Variants in SMAP1 observed in about 807,000 individuals in gnomAD.
SMAP1 encodes the protein stromal membrane-associated protein 1.
A neutral mutation model predicts 58.5 loss-of-function variants in SMAP1; 24 were observed. That is an observed-to-expected ratio of 0.41 (90% CI 0.30 to 0.58). The LOEUF (loss-of-function observed/expected upper bound fraction) is 0.58, where lower values mean the gene tolerates loss of function less well. Among genes scored for constraint, SMAP1 ranks in the 20% least tolerant of loss-of-function variants. The pLI, the probability that SMAP1 is intolerant of heterozygous loss-of-function variation, is 0.29. For synonymous variants in SMAP1, 216 were observed against 196.6 expected, an observed-to-expected ratio of 1.10 and a Z score of -0.82; for missense variants, 563 against 566.3, an observed-to-expected ratio of 0.99 and a Z score of 0.06.
chr6:70,819,876 C>T (rs1314587039), intron 6 of SMAP1, among the ~76,000 whole-genome samples: 1 of 152,182 alleles, frequency 6.6e-6, no homozygotes, highest in Non-Finnish European at 1.5e-5. Flanking sequence ...AAAAACCTGT[C>T]TTAGCCTGTG....
At chr6:70,857,762 A>C (rs534766817) in intron 9 of SMAP1, 160 bp from the exon 10 acceptor site, 12 of 644,294 alleles carry the variant, frequency 1.9e-5, no homozygotes, top group Non-Finnish European at 3.2e-5. Flanking sequence ...ACCAGCTCTC[A>C]GGGTTTAGGT....
intron 1 of SMAP1, among the ~76,000 whole-genome samples, chr6:70,730,642 A>G (rs1257852629): frequency 6.6e-6 from 1 of 152,162 alleles, no homozygotes; most frequent in South Asian, 2.1e-4. Context: ...GCATGTGCAT[A>G]ATCTTCCTCC....
At chr6:70,810,748 A>T (rs1021465525) in intron 6 of SMAP1, among the ~76,000 whole-genome samples, 1 of 152,030 alleles carries the variant, frequency 6.6e-6, no homozygotes, top group Non-Finnish European at 1.5e-5. Context: ...CTAATTTTTT[A>T]AAAAGTTTCT....
At position 70,849,369 on chromosome 6, in the gene SMAP1, TTTG is replaced by T. The variant is rs574019634; in HGVS notation, c.665-3165_665-3163del. 3.7e-3 allele frequency among the ~76,000 whole-genome samples: 568 copies of T among 152,260 alleles called. 1 individual carries two copies. Among genetic ancestry groups the T allele is most frequent in the Non-Finnish European group, 6.3e-3 (430 of 68,014 alleles). ...TGGCTGGTTACAGAGAGATCACAAC[TTTG>T]TTGTTTGTGTGAAATGCCAGAAATT... On this transcript the variant is annotated intron_variant, in intron 7 of 10. Coordinates refer to ENST00000370455, the MANE Select transcript of SMAP1 (RefSeq NM_001044305.3).
chr6:70,718,681 C>T (rs533937454), intron 1 of SMAP1, among the ~76,000 whole-genome samples: 10 of 151,776 alleles, frequency 6.6e-5, no homozygotes, highest in Admixed American at 2.6e-4. Context: ...ATTAGCTGGG[C>T]GTGGTGGCGG....
chr6:70,684,058 C>G (rs1236837998), intron 1 of SMAP1, among the ~76,000 whole-genome samples: 1 of 152,208 alleles, frequency 6.6e-6, no homozygotes, highest in Non-Finnish European at 1.5e-5. Context: ...AAACCGTTAT[C>G]TATGTAATGG....
intron 1 of SMAP1, among the ~76,000 whole-genome samples, chr6:70,718,587 C>G (rs1394562326): frequency 6.6e-6 from 1 of 151,956 alleles, no homozygotes. Context: ...TATGGGAGGC[C>G]AAGGCGGGTG....
At chr6:70,680,596 A>G (rs966099104) in intron 1 of SMAP1, among the ~76,000 whole-genome samples, 1 of 152,324 alleles carries the variant, frequency 6.6e-6, no homozygotes, top group South Asian at 2.1e-4. Flanking sequence ...ACAGTGGAAT[A>G]ATGTTTTACA....
chr6:70,719,525 CT>C (rs1277824883), intron 1 of SMAP1, among the ~76,000 whole-genome samples: 5 of 152,176 alleles, frequency 3.3e-5, no homozygotes, highest in Non-Finnish European at 2.9e-5. Context: ...CATTTCCCCC[CT>C]GAACTTATAG....
At chr6:70,763,161 A>G (rs979901468) in intron 3 of SMAP1, among the ~76,000 whole-genome samples, 1 of 137,888 alleles carries the variant, frequency 7.3e-6, no homozygotes, top group Non-Finnish European at 1.5e-5. Context: ...ACCCTATGCA[A>G]AGCAAGTCTG....
At chr6:70,741,537 G>C (rs1765814429) in intron 2 of SMAP1, among the ~76,000 whole-genome samples, 1 of 152,196 alleles carries the variant, frequency 6.6e-6, no homozygotes, top group African/African-American at 2.4e-5. Flanking sequence ...TGTCTTTGCA[G>C]GGTATAGCCT....
intron 6 of SMAP1, among the ~76,000 whole-genome samples, chr6:70,836,353 C>A (rs184346506): frequency 1.3e-5 from 2 of 152,152 alleles, no homozygotes; most frequent in East Asian, 3.9e-4. Context: ...ATCAACAGCA[C>A]AGGAAAGACC....
At chr6:70,670,266 TTTC>T (rs1230212091) in intron 1 of SMAP1, among the ~76,000 whole-genome samples, 9 of 152,188 alleles carry the variant, frequency 5.9e-5, no homozygotes, top group Non-Finnish European at 1.2e-4. Context: ...GGATTATTTT[TTTC>T]TTGTTGCTAC....
intron 1 of SMAP1, among the ~76,000 whole-genome samples, chr6:70,669,015 C>T (rs188118674): frequency 3.7e-4 from 56 of 152,174 alleles, no homozygotes; most frequent in African/African-American, 1.2e-3. Context: ...TCTGCCTCAG[C>T]CTTTGAAACA....
chr6:70,774,284 T>A (rs1767457156), intron 4 of SMAP1, among the ~76,000 whole-genome samples: 1 of 152,196 alleles, frequency 6.6e-6, no homozygotes, highest in Non-Finnish European at 1.5e-5. Context: ...TTCTTTTTAG[T>A]TTTTTAAAAA....
chr6:70,768,449 A>G (rs961974692), intron 3 of SMAP1, among the ~76,000 whole-genome samples: 11 of 152,166 alleles, frequency 7.2e-5, no homozygotes, highest in African/African-American at 2.7e-4. Flanking sequence ...GTCTGTTCAG[A>G]GAGTCAACTT....
intron 6 of SMAP1, among the ~76,000 whole-genome samples, chr6:70,836,739 C>T (rs538899761): frequency 6.6e-6 from 1 of 152,028 alleles, no homozygotes; most frequent in Non-Finnish European, 1.5e-5. Context: ...TTTTGGGGTC[C>T]CAATATGTGA....
At chr6:70,678,191 C>G (rs989863934) in intron 1 of SMAP1, among the ~76,000 whole-genome samples, 3 of 152,144 alleles carry the variant, frequency 2.0e-5, no homozygotes, top group Admixed American at 6.5e-5. Flanking sequence ...TTCTCTGTGG[C>G]CCCTATACCC....
chr6:70,771,144 T>G (rs1156248718), intron 3 of SMAP1, among the ~76,000 whole-genome samples: 1 of 152,186 alleles, frequency 6.6e-6, no homozygotes, highest in Non-Finnish European at 1.5e-5. Context: ...CCGTGTGAAG[T>G]GACAGTCTGC....
Sources: gnomAD v4.1 joint callset for allele counts (sites outside exome capture counted in the v4.1 genomes callset) on GRCh38, gnomAD v4.1.1 for gene constraint, MANE v1.5 for transcripts, NCBI Gene and HGNC (gene_info 2026-07-23, HGNC 2026-07-21) for gene names.